CYP20A1: variants seen among roughly 807,000 people sequenced by gnomAD.
The protein encoded by CYP20A1 is cytochrome P450 family 20 subfamily A member 1.
In CYP20A1, 61 loss-of-function variants were observed where a neutral mutation model predicts 61.4. The ratio of observed to expected loss-of-function variants is 0.99; its 90% CI spans 0.81 to 1.23. CYP20A1 has a LOEUF of 1.23. Among genes scored for constraint, CYP20A1 ranks in the 50% most tolerant of loss-of-function variants. CYP20A1 has a pLI of 0.00. For missense variants in CYP20A1, 530 were observed against 542.4 expected (o/e 0.98, Z 0.23); for synonymous variants, 193 against 188.2 (o/e 1.03, Z -0.21).
intron 1 of CYP20A1, 93 bp from the exon 2 acceptor site, chr2:203,245,753 G>C (rs1575165415): frequency 1.8e-5 from 11 of 612,890 alleles, no homozygotes; most frequent in Middle Eastern, 4.5e-4. Flanking sequence ...TAATTGGAAA[G>C]CTATTATTTA....
At chr2:203,239,450 G>A (rs1356549022) in intron 1 of CYP20A1, among the ~76,000 whole-genome samples, 1 of 152,194 alleles carries the variant, frequency 6.6e-6, no homozygotes, top group African/African-American at 2.4e-5. Context: ...CTCCAAGGCG[G>A]CTCTCAAGTA....
intron 9 of CYP20A1, among the ~76,000 whole-genome samples, chr2:203,286,740 T>C (rs183632331): frequency 3.1e-3 from 471 of 152,314 alleles, no homozygotes; most frequent in Non-Finnish European, 5.5e-3. Flanking sequence ...CTTGTGGTTG[T>C]AGTTACGCAA....
intron 11 of CYP20A1, among the ~76,000 whole-genome samples, chr2:203,293,202 C>T (rs2068616245): frequency 7.1e-6 from 1 of 140,322 alleles, no homozygotes; most frequent in Non-Finnish European, 1.5e-5. Flanking sequence ...TTTAAAAAAG[C>T]AGAATTTCTC....
chr2:203,251,981 A>C lies in CYP20A1; in HGVS notation c.304A>C (p.Thr102Pro). Residue 102 changes from threonine (T) to proline (P), a missense_variant, in exon 4 of 13, where the codon ACC (threonine) becomes CCC (proline). Transcript: ENST00000356079. Reference sequence around the variant, plus strand: ...GTCTGTTTCAGCGGACCCTTTTGAAACCATGCTGAAGTCATTATTAAGGTA... The same window carrying C: ...GTCTGTTTCAGCGGACCCTTTTGAACCCATGCTGAAGTCATTATTAAGGTA... ...NPNKTSDPFE[T>P]MLKSLLRYQS... 1 of 1,578,192 alleles carries C rather than the reference A, an allele frequency of 6.3e-7. No homozygotes were observed. The highest frequency in any genetic ancestry group is 8.6e-7 in the Non-Finnish European group (1 of 1,160,414).
At chr2:203,255,667 T>C (rs1374705095) in intron 4 of CYP20A1, among the ~76,000 whole-genome samples, 1 of 152,208 alleles carries the variant, frequency 6.6e-6, no homozygotes, top group East Asian at 1.9e-4. Flanking sequence ...TCCAAATTTT[T>C]AATGTAGTCT....
At chr2:203,245,676 A>G (rs2066437284) in intron 1 of CYP20A1, among the ~76,000 whole-genome samples, 170 bp from the exon 2 acceptor site, 1 of 152,172 alleles carries the variant, frequency 6.6e-6, no homozygotes, top group Admixed American at 6.5e-5. Flanking sequence ...CATGGAAATC[A>G]TTCTTTTCCA....
chr2:203,305,194 C>CTTTTTTTTTT lies in CYP20A1; in HGVS notation c.*8302_*8311dup, dbSNP rs11304494. ...AATTGGTTTACAGTTCGGTGGCTGT[C>CTTTTTTTTTT]TTTTTTTTTTTTTTTTTTTTTTTTT... is the stretch of plus-strand genomic sequence containing the variant. On this transcript the variant is annotated 3_prime_UTR_variant, in exon 13 of 13. Transcript: ENST00000356079. Among the ~76,000 whole-genome samples the CTTTTTTTTTT allele has an allele frequency of 1.8e-5, 1 of 56,896 alleles. No homozygotes were observed. The highest frequency in any genetic ancestry group is 2.9e-5 in the Non-Finnish European group (1 of 34,110). 37.3% of individuals were successfully genotyped at this position (56,896 alleles called of 152,430 possible).
intron 4 of CYP20A1, among the ~76,000 whole-genome samples, chr2:203,260,807 G>A (rs1344052253): frequency 6.6e-6 from 1 of 152,050 alleles, no homozygotes; most frequent in African/African-American, 2.4e-5. Context: ...TACTAGCATG[G>A]GCTACCAAGC....
At chr2:203,244,924 G>A (rs2066404413) in intron 1 of CYP20A1, among the ~76,000 whole-genome samples, 1 of 151,750 alleles carries the variant, frequency 6.6e-6, no homozygotes, top group Admixed American at 6.6e-5. Context: ...AGTAGAGACG[G>A]GGTTTCACCG....
intron 7 of CYP20A1, among the ~76,000 whole-genome samples, chr2:203,279,638 C>A (rs2067964943): frequency 6.6e-6 from 1 of 152,124 alleles, no homozygotes; most frequent in Non-Finnish European, 1.5e-5. Flanking sequence ...AATTTGGCTT[C>A]CAGGACAGGG....
chr2:203,246,950 G>C (rs1486408868), intron 3 of CYP20A1, 29 bp downstream of exon 3: 1 of 1,600,856 alleles, frequency 6.2e-7, no homozygotes, highest in Middle Eastern at 1.7e-4. Flanking sequence ...CTAATTACCT[G>C]ATCCTTACCT....
At chr2:203,257,805 A>T (rs1416321243) in intron 4 of CYP20A1, among the ~76,000 whole-genome samples, 1 of 152,112 alleles carries the variant, frequency 6.6e-6, no homozygotes, top group African/African-American at 2.4e-5. Context: ...GAAAAAAAAA[A>T]ATGTGGTTAC....
chr2:203,268,846 C>G (rs982389584), intron 5 of CYP20A1, among the ~76,000 whole-genome samples: 2 of 151,950 alleles, frequency 1.3e-5, no homozygotes, highest in Non-Finnish European at 2.9e-5. Flanking sequence ...TCTGAAATAC[C>G]AAGGGATGGC....
At chr2:203,292,480 A>G (rs2068579320) in intron 11 of CYP20A1, among the ~76,000 whole-genome samples, 154 bp downstream of exon 11, 1 of 152,220 alleles carries the variant, frequency 6.6e-6, no homozygotes, top group Non-Finnish European at 1.5e-5. Context: ...TTCTTTTGAG[A>G]CAGGGTCTCA....
intron 2 of CYP20A1, among the ~76,000 whole-genome samples, chr2:203,246,194 A>G (rs1213402742): frequency 6.6e-6 from 1 of 152,270 alleles, no homozygotes. Context: ...AGTTCAGAAG[A>G]CAAACCAAAA....
intron 6 of CYP20A1, 103 bp downstream of exon 6, chr2:203,272,851 C>G (rs984939310): frequency 9.3e-6 from 4 of 429,314 alleles, no homozygotes; most frequent in African/African-American, 9.2e-5. Flanking sequence ...TTTATATTTT[C>G]TTTTTTTTTT....
Position 203,302,031 on chromosome 2 carries a change from TC to T in CYP20A1, c.*5125del, listed in dbSNP as rs1211260776. 3.3e-5 allele frequency among the ~76,000 whole-genome samples: 5 copies of T among 150,470 alleles called. No homozygotes were observed. The highest frequency in any genetic ancestry group is 1.2e-4 in the African/African-American group (5 of 40,934). Reference sequence around the variant, plus strand: ...ACCTCTGCTTCCCAGGTTCAAGTGATCCTCCCGCCTCAGCCTCCCAAGTAGC... The same window carrying T: ...ACCTCTGCTTCCCAGGTTCAAGTGATCTCCCGCCTCAGCCTCCCAAGTAGC... On this transcript the variant is annotated 3_prime_UTR_variant, in exon 13 of 13. Transcript: ENST00000356079.
rs2069193820 is a variant in CYP20A1 at position 203,305,783 on chromosome 2, A to G, written c.*8875A>G. ...CCAGTAAATATTTTTGAGTAAATGAATGAAATCTTTATTGCCGGTGTTCTG... is the reference window on the plus strand; with the variant it reads ...CCAGTAAATATTTTTGAGTAAATGAGTGAAATCTTTATTGCCGGTGTTCTG... On this transcript the variant is annotated 3_prime_UTR_variant, in exon 13 of 13. Coordinates refer to ENST00000356079, the MANE Select transcript of CYP20A1 (RefSeq NM_177538.3). Among the ~76,000 whole-genome samples, 1 of 152,218 alleles carries G rather than the reference A, an allele frequency of 6.6e-6. No homozygotes were observed. Among genetic ancestry groups the G allele is most frequent in the Non-Finnish European group, 1.5e-5 (1 of 68,036 alleles).
chr2:203,284,437 C>A (rs2068179370), intron 8 of CYP20A1, among the ~76,000 whole-genome samples: 1 of 152,128 alleles, frequency 6.6e-6, no homozygotes, highest in Non-Finnish European at 1.5e-5. Flanking sequence ...TATAACTACT[C>A]TTTTTCCTCT....
Sources: gnomAD v4.1 joint callset for allele counts (sites outside exome capture counted in the v4.1 genomes callset) on GRCh38, gnomAD v4.1.1 for gene constraint, MANE v1.5 for transcripts, NCBI Gene and HGNC (gene_info 2026-07-23, HGNC 2026-07-21) for gene names.